Variants in IQCM observed in about 807,000 individuals in gnomAD.
IQCM encodes IQ motif containing M, also known as IQ domain-containing protein M.
A neutral mutation model predicts 57.6 loss-of-function variants in IQCM; 45 were observed. That is an observed-to-expected ratio of 0.78 (90% confidence interval 0.62 to 1.00). IQCM has a LOEUF of 1.00. Among genes scored for constraint, IQCM ranks in the 50% least tolerant of loss-of-function variants. The pLI is 0.00. For missense variants in IQCM, 468 were observed against 511.6 expected (o/e 0.91, Z 0.82); for synonymous variants, 148 against 158.9 (o/e 0.93, Z 0.51).
At chr4:149,639,198 A>G (rs1304782479) in intron 7 of IQCM, among the ~76,000 whole-genome samples, 7 of 151,522 alleles carry the variant, frequency 4.6e-5, no homozygotes, top group African/African-American at 1.5e-4. Context: ...AGGCCAAGAC[A>G]GGAGGATCGC....
rs146682000 is a variant in IQCM at position 149,584,081 on chromosome 4, A to G, written c.749+3849T>C. ...AACAACATTTATTTGAATCAATTCT[A>G]TCTGGGTTAGAGGTATTTAATTTTT... On this transcript the variant is annotated intron_variant, in intron 9 of 13. Coordinates refer to ENST00000636793, the MANE Select transcript of IQCM (RefSeq NM_001363507.2). Among the ~76,000 whole-genome samples, 310 of 151,662 alleles carry G rather than the reference A, an allele frequency of 2.0e-3. 3 individuals carry two copies. The highest frequency in any genetic ancestry group is 7.0e-3 in the African/African-American group (289 of 41,512).
intron 13 of IQCM, among the ~76,000 whole-genome samples, chr4:149,423,728 G>A (rs1043323666): frequency 1.3e-5 from 2 of 151,886 alleles, no homozygotes; most frequent in Non-Finnish European, 2.9e-5. Context: ...ATACATGAGA[G>A]GGAAGATGTT....
intron 13 of IQCM, among the ~76,000 whole-genome samples, chr4:149,408,804 A>C (rs978939086): frequency 6.6e-6 from 1 of 152,128 alleles, no homozygotes; most frequent in Non-Finnish European, 1.5e-5. Context: ...AAGAGCAGAC[A>C]TCTCCCCAGC....
At chr4:149,469,137 G>C (rs1393318607) in intron 12 of IQCM, among the ~76,000 whole-genome samples, 1 of 152,176 alleles carries the variant, frequency 6.6e-6, no homozygotes, top group East Asian at 1.9e-4. Context: ...TCAACGAGTT[G>C]AGAGAAGGCT....
chr4:149,542,500 A>C (rs112041097), intron 12 of IQCM, among the ~76,000 whole-genome samples: 20 of 152,182 alleles, frequency 1.3e-4, no homozygotes, highest in African/African-American at 4.8e-4. Context: ...TTAAAGTTCC[A>C]GCTCTATCAA....
chr4:149,636,472 G>A (rs975744577), intron 7 of IQCM, among the ~76,000 whole-genome samples: 1 of 152,130 alleles, frequency 6.6e-6, no homozygotes, highest in Non-Finnish European at 1.5e-5. Context: ...ATAGACGTGT[G>A]TGGATCCTCT....
chr4:149,738,896 G>A (rs1401869035), intron 3 of IQCM, among the ~76,000 whole-genome samples: 1 of 152,148 alleles, frequency 6.6e-6, no homozygotes. Context: ...AAAAGACAAT[G>A]CTAGCATCAT....
chr4:149,545,304 A>G (rs1003249297), intron 12 of IQCM, among the ~76,000 whole-genome samples: 90 of 152,230 alleles, frequency 5.9e-4, no homozygotes, highest in African/African-American at 2.0e-3. Context: ...TTTGCAAACC[A>G]TATGTCTGAT....
intron 12 of IQCM, among the ~76,000 whole-genome samples, chr4:149,482,436 A>T (rs1361995336): frequency 6.6e-6 from 1 of 151,910 alleles, no homozygotes; most frequent in Non-Finnish European, 1.5e-5. Flanking sequence ...GGCTTTTATT[A>T]TGTTGAGGTA....
At chr4:149,492,072 T>G (rs909007657) in intron 12 of IQCM, among the ~76,000 whole-genome samples, 1 of 152,124 alleles carries the variant, frequency 6.6e-6, no homozygotes, top group Admixed American at 6.6e-5. Context: ...AAATGTCTAT[T>G]CAGATCTTCT....
chr4:149,361,256 A>T (rs559877788), intron 13 of IQCM, among the ~76,000 whole-genome samples: 3 of 152,210 alleles, frequency 2.0e-5, no homozygotes, highest in Non-Finnish European at 2.9e-5. Flanking sequence ...AGGGAAGCAG[A>T]GCATAAAAAT....
intron 12 of IQCM, among the ~76,000 whole-genome samples, chr4:149,439,280 A>G (rs530923526): frequency 2.0e-5 from 3 of 152,170 alleles, no homozygotes; most frequent in Admixed American, 2.0e-4. Flanking sequence ...AAAGAAATAC[A>G]CTAACATTTT....
chr4:149,749,550 G>C (rs1430419922), intron 2 of IQCM, among the ~76,000 whole-genome samples: 1 of 151,824 alleles, frequency 6.6e-6, no homozygotes, highest in Non-Finnish European at 1.5e-5. Flanking sequence ...GGTCTGAGGT[G>C]GGGGGCACAA....
chr4:149,729,914 A>C (rs1503752), intron 5 of IQCM, among the ~76,000 whole-genome samples: 5,973 of 152,186 alleles, frequency 0.039, 421 homozygotes, highest in East Asian at 0.22. Context: ...ATGCCCATTC[A>C]TTTCTAATTG....
chr4:149,377,737 C>T (rs953595731), intron 13 of IQCM, among the ~76,000 whole-genome samples: 4 of 152,114 alleles, frequency 2.6e-5, no homozygotes, highest in Admixed American at 2.6e-4. Context: ...CTATATGTCT[C>T]CTCCCAATTT....
chr4:149,591,885 C>A (rs540401931), intron 8 of IQCM, among the ~76,000 whole-genome samples: 1 of 152,268 alleles, frequency 6.6e-6, no homozygotes, highest in South Asian at 2.1e-4. Context: ...CAAGTCTTTG[C>A]TATTGTGAAT....
intron 2 of IQCM, among the ~76,000 whole-genome samples, chr4:149,801,254 TG>T: frequency 6.6e-6 from 1 of 151,878 alleles, no homozygotes; most frequent in South Asian, 2.1e-4. Flanking sequence ...GGTGAGGTTG[TG>T]GAAAAAAAAC....
chr4:149,689,402 C>A (rs1356300585), intron 5 of IQCM, among the ~76,000 whole-genome samples: 2 of 151,630 alleles, frequency 1.3e-5, no homozygotes, highest in Non-Finnish European at 2.9e-5. Context: ...CACTATGGGG[C>A]CTGTGGGGGA....
chr4:149,469,753 C>T (rs1219978986), intron 12 of IQCM, among the ~76,000 whole-genome samples: 1 of 152,168 alleles, frequency 6.6e-6, no homozygotes, highest in Non-Finnish European at 1.5e-5. Flanking sequence ...AAGGGAAGCC[C>T]ATCAGACTAA....
Sources: gnomAD v4.1 joint callset for allele counts (sites outside exome capture counted in the v4.1 genomes callset) on GRCh38, gnomAD v4.1.1 for gene constraint, MANE v1.5 for transcripts, NCBI Gene and HGNC (gene_info 2026-07-23, HGNC 2026-07-21) for gene names.